Variants in UNC13B observed in about 807,000 individuals in gnomAD.
UNC13B encodes protein unc-13 homolog B.
A neutral mutation model predicts 211.0 loss-of-function variants in UNC13B; 144 were observed. The ratio of observed to expected loss-of-function variants is 0.68; its 90% CI spans 0.60 to 0.78. The LOEUF is 0.78. Among genes scored for constraint, UNC13B ranks in the 30% least tolerant of loss-of-function variants. UNC13B has a pLI of 0.00. For missense variants in UNC13B, 1,777 were observed against 2,002.0 expected (o/e 0.89, Z 2.14); for synonymous variants, 709 against 725.8 (o/e 0.98, Z 0.37).
chr9:35,366,918 T>C, intron 11 of UNC13B, 29 bp from the exon 12 acceptor site: 15 of 1,602,846 alleles, frequency 9.4e-6, no homozygotes, highest in Non-Finnish European at 1.3e-5. Context: ...TTTCCCAGGA[T>C]CTAACTTGTT....
At position 35,397,317 on chromosome 9, in the gene UNC13B, A is replaced by G. The variant is rs1564197197; in HGVS notation, c.11676+7A>G. The G allele has an allele frequency of 1.9e-6, 3 of 1,613,340 alleles. No homozygotes were observed. The highest frequency in any genetic ancestry group is 2.2e-5 in the East Asian group (1 of 44,846). ...CATGAGGAGGTTTGCTAAGGTGACCATAACTCTTCCTACTCCCTCCCCCTT... is the reference window on the plus strand; with the variant it reads ...CATGAGGAGGTTTGCTAAGGTGACCGTAACTCTTCCTACTCCCTCCCCCTT... On this transcript the variant is annotated splice_region_variant and intron_variant, in intron 29 of 39. Transcript: ENST00000635942.
chr9:35,194,806 A>G (rs556234563), intron 1 of UNC13B, among the ~76,000 whole-genome samples: 12 of 152,168 alleles, frequency 7.9e-5, no homozygotes, highest in Non-Finnish European at 1.8e-4. Flanking sequence ...AGCGTCTGTC[A>G]TCTCGTGCCA....
intron 26 of UNC13B, 47 bp from the exon 27 acceptor site, chr9:35,396,429 T>TG: frequency 6.2e-7 from 1 of 1,611,484 alleles, no homozygotes; most frequent in South Asian, 1.1e-5. Flanking sequence ...TCAGGAACCA[T>TG]GGCCTCTACT....
rs1373748601 is a variant in UNC13B at position 35,375,221 on chromosome 9, T to C, written c.9615+20T>C. On this transcript the variant is annotated intron_variant, in intron 14 of 39. Transcript: ENST00000635942. ...GAGCTGGTAAGTGTCCCAAGTGCTT[T>C]CGTAAGTCCACTGGCCTCAGGACTG... 6.2e-7 allele frequency: 1 copy of C among 1,613,526 alleles called. No individual in the cohort carries two copies. Among genetic ancestry groups the C allele is most frequent in the African/African-American group, 1.3e-5 (1 of 74,906 alleles).
At chr9:35,229,008 T>C (rs1057062401) in intron 2 of UNC13B, among the ~76,000 whole-genome samples, 4 of 152,174 alleles carry the variant, frequency 2.6e-5, no homozygotes, top group African/African-American at 9.7e-5. Context: ...TCCTGCCAAA[T>C]TGTTCTCTTG....
intron 11 of UNC13B, chr9:35,352,788 C>A (rs541070703): frequency 1.3e-5 from 16 of 1,232,058 alleles, no homozygotes; most frequent in Non-Finnish European, 1.3e-5. Flanking sequence ...TCTCTGTCTA[C>A]CCCCCATCAG....
At chr9:35,297,561 T>TTTTTTTTTTTTTTTTTTTTG in intron 8 of UNC13B, among the ~76,000 whole-genome samples, 8 of 128,150 alleles carry the variant, frequency 6.2e-5, no homozygotes, top group East Asian at 4.2e-4. Context: ...TTTTTTTTTT[T>TTTTTTTTTTTTTTTTTTTTG]TTTTTTGAGA....
At chr9:35,399,594 C>T in intron 35 of UNC13B, 55 bp from the exon 36 acceptor site, 2 of 1,608,080 alleles carry the variant, frequency 1.2e-6, no homozygotes, top group East Asian at 2.2e-5. Context: ...CAGGTGGGTG[C>T]AAGACTTTCA....
In UNC13B at chr9:35,302,155, A is replaced by T; in HGVS notation, c.2751A>T (p.Lys917Asn). ...SAVTTDEESK[K>N]NCHEDTKHSS... ...TAACCACTGATGAGGAGAGCAAAAA[A>T]AATTGCCATGAAGATACCAAACATA... Residue 917 changes from lysine to asparagine, a missense_variant, in exon 9 of 40, where the codon AAA becomes AAT. Lys to Asn is a moderately conservative substitution (Grantham distance 94, BLOSUM62 0). Transcript: ENST00000635942. The T allele has an allele frequency of 2.5e-6, 1 of 398,810 alleles. No homozygotes were observed. The allele number at this position is 398,810 out of a possible 1,614,324, so 24.7% of individuals were successfully genotyped here. A position where few individuals can be genotyped will look rare whatever the true frequency, so the allele number is the denominator to read the frequency against.
At chr9:35,198,203 TG>T (rs1823052187) in intron 1 of UNC13B, among the ~76,000 whole-genome samples, 1 of 152,208 alleles carries the variant, frequency 6.6e-6, no homozygotes, top group African/African-American at 2.4e-5. Context: ...TGGTGGTAGG[TG>T]ATGGATCATG....
At chr9:35,249,094 C>T (rs990530541) in intron 6 of UNC13B, among the ~76,000 whole-genome samples, 8 of 152,130 alleles carry the variant, frequency 5.3e-5, no homozygotes, top group Admixed American at 5.2e-4. Flanking sequence ...GAATTGATCC[C>T]TTTCCCATTA....
intron 7 of UNC13B, among the ~76,000 whole-genome samples, chr9:35,289,647 A>G (rs936179463): frequency 7.2e-5 from 11 of 152,148 alleles, no homozygotes; most frequent in African/African-American, 2.7e-4. Flanking sequence ...TAGCTAGTAA[A>G]TCGCAGAGCC....
Position 35,389,933 on chromosome 9 carries a change from A to C in UNC13B, c.11182A>C (p.Ile3728Leu). 2 of 1,614,098 alleles carry C rather than the reference A, an allele frequency of 1.2e-6. No homozygotes were observed. Among genetic ancestry groups the C allele is most frequent in the Non-Finnish European group, 1.7e-6 (2 of 1,179,986 alleles). The change falls in exon 25 of 40, where the codon ATA becomes CTA. Residue 3728 changes from isoleucine (I) to leucine (L), a missense_variant. Ile to Leu is a conservative substitution (Grantham distance 5). Transcript: ENST00000635942. ...GCTCATCACACTCATCGTGTCAATCATAGAGGAAGATAAGAATTCCTACAC... is the reference window on the plus strand; with the variant it reads ...GCTCATCACACTCATCGTGTCAATCCTAGAGGAAGATAAGAATTCCTACAC... Reference protein sequence around the residue: ...PKLITLIVSIIEEDKNSYTPV... With the variant: ...PKLITLIVSILEEDKNSYTPV...
intron 11 of UNC13B, among the ~76,000 whole-genome samples, chr9:35,363,435 T>C (rs1223612059): frequency 6.6e-6 from 1 of 152,196 alleles, no homozygotes; most frequent in Non-Finnish European, 1.5e-5. Context: ...GGAAGAGATA[T>C]GTCCCCATTC....
At chr9:35,312,825 A>G (rs1046923066) in intron 10 of UNC13B, among the ~76,000 whole-genome samples, 9 of 152,178 alleles carry the variant, frequency 5.9e-5, no homozygotes, top group African/African-American at 1.9e-4. Context: ...TTCTGTCTCA[A>G]AGGTATTTTG....
intron 35 of UNC13B, 77 bp downstream of exon 35, chr9:35,399,525 A>T: frequency 3.1e-6 from 5 of 1,608,690 alleles, no homozygotes; most frequent in Non-Finnish European, 4.3e-6. Flanking sequence ...CGGGGAAGGA[A>T]ATTGGAGCTT....
chr9:35,236,322 A>G (rs565056242), intron 3 of UNC13B, 147 bp from the exon 4 acceptor site: 10 of 639,964 alleles, frequency 1.6e-5, no homozygotes, highest in Admixed American at 3.0e-5. Context: ...TGGAGCCTAA[A>G]AATGGTCGTG....
intron 11 of UNC13B, among the ~76,000 whole-genome samples, chr9:35,326,454 G>A (rs1341004001): frequency 6.6e-6 from 1 of 152,180 alleles, no homozygotes; most frequent in African/African-American, 2.4e-5. Context: ...CTGGAATGCA[G>A]TGGTTCACTG....
At position 35,204,005 on chromosome 9, in the gene UNC13B, G is replaced by T. The variant is rs181822324; in HGVS notation, c.23-24010G>T. On this transcript the variant is annotated intron_variant, in intron 1 of 39. Transcript: ENST00000635942. ...CCTAGGAAGGAAGAATGATTTTCTTGGCTAGGCCCAGGGCCTTGCTGCACT... is the reference window on the plus strand; with the variant it reads ...CCTAGGAAGGAAGAATGATTTTCTTTGCTAGGCCCAGGGCCTTGCTGCACT... Among the ~76,000 whole-genome samples, 209 of 152,364 alleles carry T rather than the reference G, an allele frequency of 1.4e-3. 1 individual carries two copies. Among genetic ancestry groups the T allele is most frequent in the Non-Finnish European group, 2.5e-3 (167 of 68,032 alleles).
Sources: gnomAD v4.1 joint callset for allele counts (sites outside exome capture counted in the v4.1 genomes callset) on GRCh38, gnomAD v4.1.1 for gene constraint, MANE v1.5 for transcripts, NCBI Gene and HGNC (gene_info 2026-07-23, HGNC 2026-07-21) for gene names.